DTNB: variants seen among roughly 807,000 people sequenced by gnomAD.
DTNB encodes the protein DTN-B.
A neutral mutation model predicts 90.7 loss-of-function variants in DTNB; 63 were observed. The ratio of observed to expected loss-of-function variants is 0.69; its 90% CI spans 0.57 to 0.86. DTNB has a LOEUF of 0.86. DTNB is among the 40% of genes least tolerant of loss of function. DTNB has a pLI of 0.00. For missense variants in DTNB, 744 were observed against 807.1 expected (o/e 0.92, Z 0.95); for synonymous variants, 277 against 286.7 (o/e 0.97, Z 0.34).
intron 18 of DTNB, among the ~76,000 whole-genome samples, chr2:25,384,515 G>C (rs551333215): frequency 1.1e-4 from 17 of 152,236 alleles, no homozygotes; most frequent in Admixed American, 1.0e-3. Flanking sequence ...TAGGAGCCTT[G>C]GAAAATGGCC....
intron 1 of DTNB, among the ~76,000 whole-genome samples, chr2:25,660,809 G>C (rs2083029977): frequency 6.6e-6 from 1 of 151,972 alleles, no homozygotes; most frequent in African/African-American, 2.4e-5. Context: ...ACAAAACGTT[G>C]TACCTGTCTC....
chr2:25,413,199 T>C (rs2047016442), intron 16 of DTNB, among the ~76,000 whole-genome samples: 1 of 152,200 alleles, frequency 6.6e-6, no homozygotes, highest in Non-Finnish European at 1.5e-5. Flanking sequence ...ATTTTTTTGG[T>C]AACAAATTTT....
intron 4 of DTNB, among the ~76,000 whole-genome samples, chr2:25,621,072 C>G (rs904175426): frequency 1.3e-5 from 2 of 152,082 alleles, no homozygotes; most frequent in African/African-American, 4.8e-5. Flanking sequence ...GGAAAATCTT[C>G]CCACTCAGCA....
intron 12 of DTNB, among the ~76,000 whole-genome samples, chr2:25,447,987 A>G (rs2058686797): frequency 6.6e-6 from 1 of 152,214 alleles, no homozygotes; most frequent in African/African-American, 2.4e-5. Flanking sequence ...CAGCAACAGT[A>G]GCTCTTGGCC....
chr2:25,477,937 T>G (rs756676631), intron 10 of DTNB, among the ~76,000 whole-genome samples: 2 of 151,992 alleles, frequency 1.3e-5, no homozygotes, highest in African/African-American at 2.4e-5. Flanking sequence ...TCGTTACCAC[T>G]CATCCATTTG....
At chr2:25,430,653 T>C (rs2053562829) in intron 14 of DTNB, among the ~76,000 whole-genome samples, 1 of 152,126 alleles carries the variant, frequency 6.6e-6, no homozygotes, top group Admixed American at 6.5e-5. Flanking sequence ...AATGCGACAA[T>C]ATTGTTTTAA....
chr2:25,471,869 A>G (rs1373487855), intron 10 of DTNB, among the ~76,000 whole-genome samples: 1 of 152,074 alleles, frequency 6.6e-6, no homozygotes, highest in Non-Finnish European at 1.5e-5. Flanking sequence ...ATGTACATAA[A>G]ATTCTAGTAA....
intron 8 of DTNB, among the ~76,000 whole-genome samples, chr2:25,552,689 C>T (rs972053174): frequency 6.6e-6 from 1 of 152,112 alleles, no homozygotes; most frequent in African/African-American, 2.4e-5. Flanking sequence ...CCTGCCCTGC[C>T]CATTGTACTT....
chr2:25,468,529 AAG>A (rs1343372948), intron 10 of DTNB, among the ~76,000 whole-genome samples: 1 of 152,202 alleles, frequency 6.6e-6, no homozygotes. Context: ...CGGGAGTCCA[AAG>A]AGAACCACAG....
intron 16 of DTNB, among the ~76,000 whole-genome samples, chr2:25,397,014 A>G (rs2042546859): frequency 6.6e-6 from 1 of 152,054 alleles, no homozygotes; most frequent in African/African-American, 2.4e-5. Context: ...CCATCTACGG[A>G]ATAAAGACCA....
At chr2:25,491,600 T>C (rs1051882274) in intron 9 of DTNB, among the ~76,000 whole-genome samples, 1 of 152,110 alleles carries the variant, frequency 6.6e-6, no homozygotes, top group African/African-American at 2.4e-5. Context: ...TTATATTTGG[T>C]GGATATATTT....
At chr2:25,438,611 C>T (rs2056586489) in intron 12 of DTNB, among the ~76,000 whole-genome samples, 1 of 152,204 alleles carries the variant, frequency 6.6e-6, no homozygotes, top group African/African-American at 2.4e-5. Context: ...TGGGGAAGAA[C>T]AGACAAATTT....
intron 9 of DTNB, among the ~76,000 whole-genome samples, chr2:25,491,158 G>GACACACACAC (rs59803099): frequency 0.39 from 58,777 of 150,364 alleles, 11,867 homozygotes; most frequent in Non-Finnish European, 0.45. Context: ...CACACACACA[G>GACACACACAC]ACACACACAC....
At chr2:25,427,452 A>G in intron 15 of DTNB, 83 bp downstream of exon 15, 2 of 1,392,794 alleles carry the variant, frequency 1.4e-6, no homozygotes, top group East Asian at 2.3e-5. Flanking sequence ...GCCTCATCCT[A>G]TTCTGACATC....
intron 2 of DTNB, among the ~76,000 whole-genome samples, chr2:25,643,536 A>G (rs1180231041): frequency 6.6e-6 from 1 of 152,238 alleles, no homozygotes; most frequent in African/African-American, 2.4e-5. Flanking sequence ...AAAAACATAC[A>G]AAATCAAAAA....
intron 16 of DTNB, among the ~76,000 whole-genome samples, chr2:25,406,543 A>T (rs1265126302): frequency 1.3e-5 from 2 of 152,068 alleles, no homozygotes; most frequent in Non-Finnish European, 2.9e-5. Context: ...CTCAAAAAAA[A>T]AAAAAAAAAT....
Position 25,552,345 on chromosome 2 carries a change from C to T in DTNB, c.877-20748G>A, listed in dbSNP as rs73922418. Among the ~76,000 whole-genome samples, 836 of 152,292 alleles carry T rather than the reference C, an allele frequency of 5.5e-3. 6 individuals are homozygous for T. Among genetic ancestry groups the T allele is most frequent in the African/African-American group, 0.019 (797 of 41,558 alleles). ...AAAGCTTTATAGCTAGTCTTCTTAG[C>T]AAGGTAGCTTCCTGTTTTCCTAGAA... On this transcript the variant is annotated intron_variant, in intron 8 of 20. Transcript: ENST00000406818.
intron 8 of DTNB, among the ~76,000 whole-genome samples, chr2:25,549,729 T>C (rs1233281954): frequency 6.6e-6 from 1 of 152,178 alleles, no homozygotes; most frequent in Non-Finnish European, 1.5e-5. Flanking sequence ...GGAGTAATCA[T>C]GGCTCACTGC....
At chr2:25,494,904 G>A (rs575044090) in intron 9 of DTNB, among the ~76,000 whole-genome samples, 5 of 149,738 alleles carry the variant, frequency 3.3e-5, no homozygotes, top group African/African-American at 9.8e-5. Flanking sequence ...GAGCACTGTT[G>A]CCAGAAAAAA....
Sources: allele counts gnomAD v4.1 joint callset (sites outside exome capture counted in the v4.1 genomes callset), GRCh38; gene constraint gnomAD v4.1.1; transcripts MANE v1.5; gene names NCBI Gene and HGNC (gene_info 2026-07-23, HGNC 2026-07-21).